RBPMS: variants seen among roughly 807,000 people sequenced by gnomAD.
RBPMS encodes the protein RNA binding protein, mRNA processing factor, also known as RNA-binding protein with multiple splicing.
A neutral mutation model predicts 26.8 loss-of-function variants in RBPMS; 7 were observed. That is an observed-to-expected ratio of 0.26 (90% confidence interval 0.15 to 0.49). The LOEUF is 0.49. Ranked by LOEUF, RBPMS falls within the 20% of genes least tolerant of loss-of-function variation. RBPMS has a pLI of 0.98. For synonymous variants in RBPMS, 96 were observed against 93.3 expected (o/e 1.03, Z -0.17); for missense variants, 186 against 250.0 (o/e 0.74, Z 1.73).
At chr8:30,505,823 C>T (rs1271990155) in intron 5 of RBPMS, among the ~76,000 whole-genome samples, 1 of 152,102 alleles carries the variant, frequency 6.6e-6, no homozygotes, top group Non-Finnish European at 1.5e-5. Context: ...TTGTATGCCT[C>T]TTCTCTCTGA....
chr8:30,460,599 T>C (rs2150777533), intron 1 of RBPMS, among the ~76,000 whole-genome samples: 1 of 152,346 alleles, frequency 6.6e-6, no homozygotes. Context: ...ACATCAGATA[T>C]ATCTGGAATT....
intron 1 of RBPMS, among the ~76,000 whole-genome samples, chr8:30,452,129 G>A (rs1232864452): frequency 1.3e-5 from 2 of 152,154 alleles, no homozygotes; most frequent in Non-Finnish European, 2.9e-5. Context: ...CATCAGTACA[G>A]GTTCTAAGGC....
At chr8:30,557,872 GTTTC>G (rs1827094334) in intron 6 of RBPMS, among the ~76,000 whole-genome samples, 1 of 152,122 alleles carries the variant, frequency 6.6e-6, no homozygotes, top group African/African-American at 2.4e-5. Context: ...TTTTTGTTTT[GTTTC>G]TTGTTTGTTT....
At chr8:30,464,137 TAA>T (rs1471883456) in intron 1 of RBPMS, among the ~76,000 whole-genome samples, 1 of 152,150 alleles carries the variant, frequency 6.6e-6, no homozygotes, top group Non-Finnish European at 1.5e-5. Flanking sequence ...TTCTTTAAAA[TAA>T]AAAAAGTTAT....
intron 1 of RBPMS, among the ~76,000 whole-genome samples, chr8:30,472,716 G>A (rs1410841205): frequency 1.3e-5 from 2 of 152,286 alleles, no homozygotes; most frequent in Admixed American, 6.5e-5. Context: ...ACTGTGCTGG[G>A]TCAATAAAAG....
At chr8:30,516,540 TG>T (rs1246439123) in intron 5 of RBPMS, among the ~76,000 whole-genome samples, 1 of 152,206 alleles carries the variant, frequency 6.6e-6, no homozygotes. Flanking sequence ...AGTACCTCCT[TG>T]GGAGACTCTA....
chr8:30,498,398 G>A (rs192234116), intron 4 of RBPMS, among the ~76,000 whole-genome samples: 2 of 152,100 alleles, frequency 1.3e-5, no homozygotes, highest in South Asian at 2.1e-4. Context: ...TGAATGGGTC[G>A]ATGAATCAGC....
intron 5 of RBPMS, among the ~76,000 whole-genome samples, chr8:30,516,506 G>A (rs1013516781): frequency 6.6e-6 from 1 of 152,128 alleles, no homozygotes; most frequent in Non-Finnish European, 1.5e-5. Context: ...ATGATGAGCT[G>A]GATAACATAC....
intron 5 of RBPMS, among the ~76,000 whole-genome samples, chr8:30,524,915 G>T (rs1032584540): frequency 1.7e-4 from 26 of 152,078 alleles, no homozygotes; most frequent in African/African-American, 6.3e-4. Context: ...AAGTACCAAA[G>T]CTGGGATCCT....
intron 4 of RBPMS, among the ~76,000 whole-genome samples, chr8:30,499,829 A>ATAGCATGCTTGCTAC (rs1820361645): frequency 6.6e-6 from 1 of 151,978 alleles, no homozygotes; most frequent in Non-Finnish European, 1.5e-5. Context: ...GGGTAAAAGA[A>ATAGCATGCTTGCTAC]TAGCATGCTT....
At chr8:30,453,028 G>T (rs1052555004) in intron 1 of RBPMS, among the ~76,000 whole-genome samples, 1 of 152,016 alleles carries the variant, frequency 6.6e-6, no homozygotes, top group African/African-American at 2.4e-5. Flanking sequence ...CCCCTTCCTC[G>T]TGGATTCATT....
chr8:30,541,549 G>A (rs1825389332), intron 5 of RBPMS, among the ~76,000 whole-genome samples: 1 of 152,134 alleles, frequency 6.6e-6, no homozygotes, highest in African/African-American at 2.4e-5. Flanking sequence ...AGACAAAAAA[G>A]CCCTGGCCTC....
intron 5 of RBPMS, among the ~76,000 whole-genome samples, chr8:30,534,663 G>A (rs1399783801): frequency 6.6e-6 from 1 of 152,182 alleles, no homozygotes; most frequent in East Asian, 1.9e-4. Context: ...TCACAGAAGA[G>A]TTTGCTTATG....
At chr8:30,390,398 T>G (rs1296540589) in intron 1 of RBPMS, among the ~76,000 whole-genome samples, 6 of 152,214 alleles carry the variant, frequency 3.9e-5, no homozygotes, top group African/African-American at 9.6e-5. Flanking sequence ...TCTCCTGTTC[T>G]GATGCTCTTC....
chr8:30,464,341 A>G (rs1167492621), intron 1 of RBPMS, among the ~76,000 whole-genome samples: 1 of 152,218 alleles, frequency 6.6e-6, no homozygotes, highest in African/African-American at 2.4e-5. Context: ...TTAAAGGTGA[A>G]CTAACTGACC....
At chr8:30,569,388 ACCCCTGTGAGGAGCT>A (rs1181546374) in intron 8 of RBPMS, among the ~76,000 whole-genome samples, 2 of 152,126 alleles carry the variant, frequency 1.3e-5, no homozygotes, top group Non-Finnish European at 2.9e-5. Context: ...GTCAGTGAGA[ACCCCTGTGAGGAGCT>A]CAGAGGAGGA....
chr8:30,454,833 G>A (rs1815012209), intron 1 of RBPMS, among the ~76,000 whole-genome samples: 1 of 151,974 alleles, frequency 6.6e-6, no homozygotes, highest in African/African-American at 2.4e-5. Flanking sequence ...TGTTTGGTTT[G>A]TTTTTTTGAG....
chr8:30,469,120 A>T (rs1004340198), intron 1 of RBPMS, among the ~76,000 whole-genome samples: 2 of 152,210 alleles, frequency 1.3e-5, no homozygotes, highest in African/African-American at 2.4e-5. Flanking sequence ...AGTGTCTGTG[A>T]TTATTCTCTG....
In RBPMS at chr8:30,450,408, A is replaced by C. The variant is rs539669895; in HGVS notation, c.67-24371A>C. ...TCTGGTGGAAACACTGGATGGTTTC[A>C]GCCCAGTATCTGTTTGCTTTTACTC... On this transcript the variant is annotated intron_variant, in intron 1 of 8. Transcript: ENST00000397323. 5.3e-5 allele frequency among the ~76,000 whole-genome samples: 8 copies of C among 152,326 alleles called. No individual in the cohort carries two copies. In the South Asian group the frequency reaches 1.2e-3, roughly 24 times the overall value.
Sources: gnomAD v4.1 joint callset for allele counts (sites outside exome capture counted in the v4.1 genomes callset) on GRCh38, gnomAD v4.1.1 for gene constraint, MANE v1.5 for transcripts, NCBI Gene and HGNC (gene_info 2026-07-23, HGNC 2026-07-21) for gene names.